PHF20: variants seen among roughly 807,000 people sequenced by gnomAD.
The protein encoded by PHF20 is glioma-expressed antigen 2.
A neutral mutation model predicts 113.5 loss-of-function variants in PHF20; 23 were observed. That is an observed-to-expected ratio of 0.20 (90% confidence interval 0.15 to 0.29). The LOEUF is 0.29. Ranked by LOEUF, PHF20 falls within the 10% of genes least tolerant of loss-of-function variation. PHF20 has a pLI of 1.00. For synonymous variants in PHF20, 434 were observed against 457.3 expected (o/e 0.95, Z 0.65); for missense variants, 943 against 1,219.6 (o/e 0.77, Z 3.38).
At chr20:35,813,807 G>A (rs182813155) in intron 2 of PHF20, among the ~76,000 whole-genome samples, 3 of 151,806 alleles carry the variant, frequency 2.0e-5, no homozygotes, top group Non-Finnish European at 2.9e-5. Flanking sequence ...GCAGTGAGCC[G>A]AGATAGCGCC....
chr20:35,923,574 G>A (rs1452705624), intron 13 of PHF20, among the ~76,000 whole-genome samples: 1 of 152,168 alleles, frequency 6.6e-6, no homozygotes, highest in Non-Finnish European at 1.5e-5. Flanking sequence ...AGCACACAGA[G>A]AAATACCTTA....
chr20:35,942,586 C>A (rs1415965335), intron 17 of PHF20, among the ~76,000 whole-genome samples: 1 of 152,192 alleles, frequency 6.6e-6, no homozygotes, highest in Non-Finnish European at 1.5e-5. Context: ...TAGGCCTGAA[C>A]CCCCTTCTTT....
intron 9 of PHF20, among the ~76,000 whole-genome samples, chr20:35,891,533 A>C (rs1262757847): frequency 1.3e-5 from 2 of 152,196 alleles, no homozygotes; most frequent in Admixed American, 6.6e-5. Context: ...TTTTCTGCTG[A>C]GAGACCGGGG....
chr20:35,904,536 G>A (rs2055163080), intron 10 of PHF20, among the ~76,000 whole-genome samples: 1 of 151,892 alleles, frequency 6.6e-6, no homozygotes, highest in African/African-American at 2.4e-5. Flanking sequence ...CCCGAACTTG[G>A]GTTCTCATGG....
chr20:35,810,856 GT>G (rs1298237517), intron 2 of PHF20, among the ~76,000 whole-genome samples: 1 of 152,036 alleles, frequency 6.6e-6, no homozygotes, highest in African/African-American at 2.4e-5. Context: ...ACAATGGAGC[GT>G]TTGTTTTATT....
chr20:35,905,357 C>G (rs56873386), intron 10 of PHF20, among the ~76,000 whole-genome samples: 1,606 of 152,238 alleles, frequency 0.011, 18 homozygotes, highest in East Asian at 0.04. Context: ...TTGTGTCCTG[C>G]CTTCCTCCCT....
chr20:35,791,537 G>GTA (rs59752864), intron 1 of PHF20, among the ~76,000 whole-genome samples: 20,085 of 127,060 alleles, frequency 0.16, 1,906 homozygotes, highest in African/African-American at 0.19. Context: ...TTAGAATAGT[G>GTA]TATATATATA....
At chr20:35,941,201 G>T (rs2055973412) in intron 17 of PHF20, among the ~76,000 whole-genome samples, 154 bp downstream of exon 17, 1 of 152,120 alleles carries the variant, frequency 6.6e-6, no homozygotes, top group East Asian at 1.9e-4. Flanking sequence ...TCTCCCCTCA[G>T]GATGGATGAG....
chr20:35,841,292 G>A (rs577245539), intron 2 of PHF20, among the ~76,000 whole-genome samples: 2 of 152,014 alleles, frequency 1.3e-5, no homozygotes, highest in African/African-American at 4.8e-5. Context: ...GCAGTGAGCC[G>A]AGATCACGCC....
chr20:35,861,307 CAG>C (rs1368667524), intron 5 of PHF20, among the ~76,000 whole-genome samples: 2 of 152,064 alleles, frequency 1.3e-5, no homozygotes, highest in Non-Finnish European at 2.9e-5. Context: ...TTCCATCAAA[CAG>C]ATATCATTGT....
intron 2 of PHF20, among the ~76,000 whole-genome samples, chr20:35,833,789 G>A (rs888760886): frequency 2.6e-5 from 4 of 152,166 alleles, no homozygotes; most frequent in Non-Finnish European, 5.9e-5. Context: ...ACCAGGCACA[G>A]CGGTTCATGC....
chr20:35,883,027 CAA>C (rs971975145), intron 9 of PHF20, among the ~76,000 whole-genome samples: 24 of 63,420 alleles, frequency 3.8e-4, no homozygotes, highest in Admixed American at 3.6e-4. Context: ...CACTCTGTCT[CAA>C]AAAAAAAAAA....
rs894827549 is a variant in PHF20 at position 35,892,411 on chromosome 20, G to C, written c.1283-6959G>C. Among the ~76,000 whole-genome samples, 34 of 151,172 alleles carry C rather than the reference G, an allele frequency of 2.2e-4. 1 individual carries two copies. Among genetic ancestry groups the C allele is most frequent in the African/African-American group, 8.3e-4 (34 of 41,174 alleles). On this transcript the variant is annotated intron_variant, in intron 9 of 17. Transcript: ENST00000374012. ...TTTAGTAGAGATGGGGTTTCACCATGCTGCTCAGGCAGGTCTCGAACTCCT... is the reference window on the plus strand; with the variant it reads ...TTTAGTAGAGATGGGGTTTCACCATCCTGCTCAGGCAGGTCTCGAACTCCT...
intron 2 of PHF20, among the ~76,000 whole-genome samples, chr20:35,826,898 AT>A (rs2042272142): frequency 6.6e-6 from 1 of 152,200 alleles, no homozygotes; most frequent in Non-Finnish European, 1.5e-5. Context: ...CTTATATCAG[AT>A]GTTGATTAAT....
chr20:35,821,634 AG>A (rs1172240119), intron 2 of PHF20, among the ~76,000 whole-genome samples: 1 of 152,098 alleles, frequency 6.6e-6, no homozygotes, highest in Non-Finnish European at 1.5e-5. Flanking sequence ...ACTCCATCCC[AG>A]GTGACAGAGC....
chr20:35,895,967 G>GT (rs1317093226), intron 9 of PHF20, among the ~76,000 whole-genome samples: 1 of 152,086 alleles, frequency 6.6e-6, no homozygotes, highest in Non-Finnish European at 1.5e-5. Context: ...GATTACAGGC[G>GT]TGAGCCATCG....
chr20:35,826,019 A>C (rs1194215334), intron 2 of PHF20, among the ~76,000 whole-genome samples: 1 of 152,020 alleles, frequency 6.6e-6, no homozygotes, highest in Non-Finnish European at 1.5e-5. Flanking sequence ...ACTGTTTAAT[A>C]CCTGTTTGCA....
chr20:35,940,734 G>A (rs777320124), intron 16 of PHF20, 130 bp from the exon 17 acceptor site: 29 of 791,000 alleles, frequency 3.7e-5, no homozygotes, highest in Non-Finnish European at 4.5e-5. Flanking sequence ...GTGGGAAATA[G>A]GAAAGGGAGG....
At chr20:35,888,456 A>G (rs1373909263) in intron 9 of PHF20, among the ~76,000 whole-genome samples, 3 of 152,220 alleles carry the variant, frequency 2.0e-5, no homozygotes, top group African/African-American at 4.8e-5. Context: ...AATTTGTTAA[A>G]CAGGAGGGAG....
Sources: gnomAD v4.1 joint callset for allele counts (sites outside exome capture counted in the v4.1 genomes callset) on GRCh38, gnomAD v4.1.1 for gene constraint, MANE v1.5 for transcripts, NCBI Gene and HGNC (gene_info 2026-07-23, HGNC 2026-07-21) for gene names.